JADE1: variants seen among roughly 807,000 people sequenced by gnomAD.
The protein encoded by JADE1 is protein Jade-1.
A neutral mutation model predicts 81.8 loss-of-function variants in JADE1; 14 were observed. That is an observed-to-expected ratio of 0.17 (90% CI 0.11 to 0.27). The LOEUF (loss-of-function observed/expected upper bound fraction) is 0.27, where lower values mean the gene tolerates loss of function less well. Ranked by LOEUF, JADE1 falls within the 10% of genes least tolerant of loss-of-function variation. The pLI, the probability that JADE1 is intolerant of heterozygous loss-of-function variation, is 1.00. For missense variants in JADE1, 690 were observed against 1,047.9 expected, an observed-to-expected ratio of 0.66 and a Z score of 4.71; for synonymous variants, 353 against 391.9, an observed-to-expected ratio of 0.90 and a Z score of 1.17.
chr4:128,853,672 T>A (rs1730557190), intron 6 of JADE1, among the ~76,000 whole-genome samples: 1 of 152,228 alleles, frequency 6.6e-6, no homozygotes. Context: ...TTCTTTAAAT[T>A]CACCTGTTGA....
At chr4:128,852,594 AT>A (rs761376950) in intron 6 of JADE1, among the ~76,000 whole-genome samples, 45 of 152,368 alleles carry the variant, frequency 3.0e-4, no homozygotes, top group Non-Finnish European at 6.0e-4. Flanking sequence ...AAATTTAGGT[AT>A]TAAGAACACT....
chr4:128,864,582 G>A, intron 9 of JADE1: 3 of 985,360 alleles, frequency 3.0e-6, no homozygotes, highest in Non-Finnish European at 3.6e-6. Flanking sequence ...ATTATAAACA[G>A]TAAGTGTATC....
intron 1 of JADE1, among the ~76,000 whole-genome samples, chr4:128,819,202 G>A (rs1030186187): frequency 2.6e-5 from 4 of 152,050 alleles, no homozygotes; most frequent in African/African-American, 9.7e-5. Context: ...AGTTTGTTTG[G>A]AGGTAGTTGG....
At chr4:128,863,147 C>G (rs905384437) in intron 9 of JADE1, 4 of 985,490 alleles carry the variant, frequency 4.1e-6, no homozygotes, top group Non-Finnish European at 4.8e-6. Context: ...CCCCACTTTC[C>G]ATCACCTCTG....
At position 128,831,784 on chromosome 4, in the gene JADE1, G is replaced by A; in HGVS notation, c.26G>A (p.Ser9Asn). The change falls in exon 2 of 11, where the codon AGC (serine) becomes AAC (asparagine). Residue 9 changes from serine to asparagine, a missense_variant. Physicochemically the swap from Ser to Asn is conservative, Grantham distance 46. This residue lies in a region of JADE1 where 59 missense variants were observed against 52.8 expected (regional missense o/e 1.12). Coordinates refer to ENST00000226319, the MANE Select transcript of JADE1 (RefSeq NM_199320.4). ...ATGAAACGAGGTCGCCTTCCCAGCAGCAGTGAGGATTCTGACGACAATGGC... is the reference window on the plus strand; with the variant it reads ...ATGAAACGAGGTCGCCTTCCCAGCAACAGTGAGGATTCTGACGACAATGGC... MKRGRLPS[S>N]SEDSDDNGSL... 6.2e-7 allele frequency: 1 copy of A among 1,614,210 alleles called. No homozygotes were observed. The highest frequency in any genetic ancestry group is 1.1e-5 in the South Asian group (1 of 91,090).
intron 1 of JADE1, among the ~76,000 whole-genome samples, chr4:128,825,442 G>C (rs1042344961): frequency 2.0e-5 from 3 of 152,162 alleles, no homozygotes; most frequent in Admixed American, 6.5e-5. Flanking sequence ...CACTGAACTT[G>C]TTCGCTCAAA....
chr4:128,862,838 C>G (rs1040584619), intron 9 of JADE1: 2 of 990,448 alleles, frequency 2.0e-6, no homozygotes, highest in Admixed American at 1.1e-4. Flanking sequence ...TGTACACATG[C>G]ATATATCTGT....
chr4:128,827,809 A>G (rs1728204134), intron 1 of JADE1: 9 of 933,222 alleles, frequency 9.6e-6, no homozygotes, highest in African/African-American at 1.8e-5. Context: ...AGAGAGTCAT[A>G]ACATTATGAA....
intron 3 of JADE1, among the ~76,000 whole-genome samples, chr4:128,844,409 C>T (rs1729697540): frequency 6.6e-6 from 1 of 152,180 alleles, no homozygotes; most frequent in South Asian, 2.1e-4. Flanking sequence ...CATACTCTAC[C>T]AGAGACTCCA....
intron 8 of JADE1, among the ~76,000 whole-genome samples, chr4:128,857,693 G>T (rs1730910185): frequency 6.6e-6 from 1 of 152,172 alleles, no homozygotes; most frequent in South Asian, 2.1e-4. Context: ...GTTCCCCTGA[G>T]CTGTGAGGCG....
intron 1 of JADE1, among the ~76,000 whole-genome samples, chr4:128,821,881 A>G (rs941569754): frequency 3.9e-5 from 6 of 151,954 alleles, no homozygotes; most frequent in Non-Finnish European, 8.8e-5. Context: ...TTATTATTGC[A>G]TATATTTTAA....
At chr4:128,814,927 A>T (rs1726861525) in intron 1 of JADE1, among the ~76,000 whole-genome samples, 1 of 151,836 alleles carries the variant, frequency 6.6e-6, no homozygotes, top group South Asian at 2.1e-4. Context: ...TTACTGTAAC[A>T]TGTCCAGATT....
chr4:128,831,416 G>A (rs1728539393), intron 1 of JADE1: 1 of 316,208 alleles, frequency 3.2e-6, no homozygotes, highest in Non-Finnish European at 6.0e-6. Flanking sequence ...TTTTTCTGCA[G>A]TGCTTGCTGC....
chr4:128,874,395 G>A lies in JADE1; in HGVS notation c.*2133G>A, dbSNP rs1200938755. On this transcript the variant is annotated 3_prime_UTR_variant, in exon 11 of 11. Transcript: ENST00000226319. Reference sequence around the variant, plus strand: ...TTGCACTATTAGGAATGCTAGTTTTGTGCAAAAATAATGCCTTACCTGTTT... The same window carrying A: ...TTGCACTATTAGGAATGCTAGTTTTATGCAAAAATAATGCCTTACCTGTTT... 6.6e-6 allele frequency: 1 copy of A among 152,278 alleles called. No individual in the cohort carries two copies. Among genetic ancestry groups the A allele is most frequent in the Non-Finnish European group, 1.5e-5 (1 of 67,974 alleles). The allele number at this position is 152,278 out of a possible 1,614,324, so 9.4% of individuals were successfully genotyped here.
intron 3 of JADE1, among the ~76,000 whole-genome samples, chr4:128,844,231 G>A (rs1336080555): frequency 6.6e-6 from 1 of 152,164 alleles, no homozygotes; most frequent in African/African-American, 2.4e-5. Context: ...CTGGTGTGAC[G>A]AGGGCTGGTC....
chr4:128,874,708 T>C lies in JADE1; in HGVS notation c.*2446T>C, dbSNP rs1222432479. On this transcript the variant is annotated 3_prime_UTR_variant, in exon 11 of 11. Coordinates refer to ENST00000226319, the MANE Select transcript of JADE1 (RefSeq NM_199320.4). ...AGCCCAAACACCCACTTGCGTTCTA[T>C]TAGTATGGAACCATTTGCATTTGTT... is the stretch of plus-strand genomic sequence containing the variant. 1.3e-5 allele frequency: 2 copies of C among 152,606 alleles called. No homozygotes were observed. The highest frequency in any genetic ancestry group is 2.9e-5 in the Non-Finnish European group (2 of 68,028). The allele number at this position is 152,606 out of a possible 1,614,324, so 9.5% of individuals were successfully genotyped here.
chr4:128,814,329 C>G (rs78723138), intron 1 of JADE1, among the ~76,000 whole-genome samples: 2,049 of 152,196 alleles, frequency 0.013, 44 homozygotes, highest in African/African-American at 0.043. Flanking sequence ...TTGCGTCTTA[C>G]GTATAGTAGG....
rs142860791 is a variant in JADE1, at chr4:128,841,386, A to T, written c.53-1567A>T. ...TTGCACTTAAGTTGTCTTTGTAACA[A>T]ATTAACAGGAGGCAGAGGCAGAGAT... On this transcript the variant is annotated intron_variant, in intron 2 of 10. Transcript: ENST00000226319. Among the ~76,000 whole-genome samples the T allele has an allele frequency of 1.5e-3, 232 of 152,296 alleles. 3 individuals carry two copies. The highest frequency in any genetic ancestry group is 0.014 in the East Asian group (71 of 5,184).
At position 128,871,443 on chromosome 4, in the gene JADE1, G is replaced by A. The variant is rs1436632182; in HGVS notation, c.1710G>A (p.Glu570=). 5 of 1,614,078 alleles carry A rather than the reference G, an allele frequency of 3.1e-6. No individual in the cohort carries two copies. The highest frequency in any genetic ancestry group is 2.7e-5 in the African/African-American group (2 of 74,922). ...TTGGCCCTGATGCTCCCAAGATAGAGGACTTGAAGTGGCATTCTGCATTCT... is the reference window on the plus strand; with the variant it reads ...TTGGCCCTGATGCTCCCAAGATAGAAGACTTGAAGTGGCATTCTGCATTCT... The part of the protein sequence containing the change: ...PSVGPDAPKI[E]DLKWHSAFFR... The change falls in exon 11 of 11, where the codon GAG becomes GAA. Residue 570 remains glutamate, a synonymous_variant. Coordinates refer to ENST00000226319, the MANE Select transcript of JADE1 (RefSeq NM_199320.4). The surrounding 1 kb of genome is among the most constrained non-coding windows in gnomAD (Gnocchi z 4.1).
Sources: allele counts gnomAD v4.1 joint callset (sites outside exome capture counted in the v4.1 genomes callset), GRCh38; gene constraint gnomAD v4.1.1; regional missense constraint gnomAD v4.1.1; non-coding constraint Gnocchi (gnomAD v3.1); transcripts MANE v1.5; gene names NCBI Gene and HGNC (gene_info 2026-07-23, HGNC 2026-07-21).